The following CNTN5 variants were observed in gnomAD, a reference collection of about 807,000 sequenced individuals.
CNTN5 encodes contactin 5, also known as contactin-5.
CNTN5 carries 77 observed loss-of-function variants against 129.1 expected under a neutral mutation model. The ratio of observed to expected loss-of-function variants is 0.60; its 90% CI spans 0.50 to 0.72. CNTN5 has a LOEUF of 0.72. Among genes scored for constraint, CNTN5 ranks in the 30% least tolerant of loss-of-function variants. The probability of loss-of-function intolerance (pLI) is 0.00; values close to 1 mark genes in which losing one functional copy is unlikely to be tolerated. For synonymous variants in CNTN5, 509 were observed against 465.6 expected (o/e 1.09, Z -1.20); for missense variants, 1,478 against 1,328.8 (o/e 1.11, Z -1.75).
At chr11:99,235,552 G>C (rs770688388) in intron 1 of CNTN5, among the ~76,000 whole-genome samples, 2 of 152,114 alleles carry the variant, frequency 1.3e-5, no homozygotes, top group African/African-American at 4.8e-5. Flanking sequence ...ATAGTGAAAA[G>C]TGTCTTAGAT....
intron 4 of CNTN5, 26 bp downstream of exon 4, chr11:99,819,791 A>G (rs1211369295): frequency 1.4e-6 from 2 of 1,451,338 alleles, no homozygotes; most frequent in South Asian, 2.4e-5. Context: ...AAATGGCTCC[A>G]GATAGAATAA....
chr11:99,556,593 A>ATATATC (rs1555026456), intron 3 of CNTN5, among the ~76,000 whole-genome samples: 6 of 135,322 alleles, frequency 4.4e-5, no homozygotes, highest in African/African-American at 1.1e-4. Flanking sequence ...ATATATATAT[A>ATATATC]TCTCCCACAC....
chr11:99,950,838 C>A (rs1407002711), intron 7 of CNTN5, among the ~76,000 whole-genome samples: 1 of 151,984 alleles, frequency 6.6e-6, no homozygotes, highest in East Asian at 1.9e-4. Flanking sequence ...AATTAAATTA[C>A]AATAATGAAA....
At chr11:99,233,530 T>C (rs189933903) in intron 1 of CNTN5, among the ~76,000 whole-genome samples, 1 of 152,328 alleles carries the variant, frequency 6.6e-6, no homozygotes, top group African/African-American at 2.4e-5. Context: ...CGTTTCTTGA[T>C]TCTTGTATTC....
chr11:99,272,493 C>T (rs1863222975), intron 1 of CNTN5, among the ~76,000 whole-genome samples: 2 of 151,912 alleles, frequency 1.3e-5, no homozygotes, highest in South Asian at 4.2e-4. Context: ...ATCCTCCCAT[C>T]ATAGTCCCCT....
intron 3 of CNTN5, among the ~76,000 whole-genome samples, chr11:99,611,812 A>T (rs981652016): frequency 1.3e-5 from 2 of 152,218 alleles, no homozygotes; most frequent in African/African-American, 4.8e-5. Flanking sequence ...TTAACAGCCA[A>T]TTGGATAGAC....
Position 99,355,228 on chromosome 11 carries a change from G to T in CNTN5, c.-71+29744G>T, listed in dbSNP as rs370889763. Among the ~76,000 whole-genome samples, 4 of 152,220 alleles carry T rather than the reference G, an allele frequency of 2.6e-5. No homozygotes were observed. The South Asian group carries it at 6.2e-4, about 24-fold the overall frequency. On this transcript the variant is annotated intron_variant, in intron 2 of 24. Coordinates refer to ENST00000524871, the MANE Select transcript of CNTN5 (RefSeq NM_014361.4). ...TGTATTATTTGTCTGTTTACTGGAT[G>T]CCTTGCCTGATACTACAAATGCTTC...
At chr11:99,651,637 A>C (rs1032170893) in intron 3 of CNTN5, among the ~76,000 whole-genome samples, 1 of 152,042 alleles carries the variant, frequency 6.6e-6, no homozygotes, top group Non-Finnish European at 1.5e-5. Flanking sequence ...GACTGGTTTA[A>C]AAAACCCATC....
In CNTN5 at chr11:99,618,725, CTGTTA is replaced by C. The variant is rs930313590; in HGVS notation, c.55+62458_55+62462del. On this transcript the variant is annotated intron_variant, in intron 3 of 24. Transcript: ENST00000524871. ...AACCTGGGACTGTTGCTGATTGTGT[CTGTTA>C]TACCAGGCTAATACTTTCACTCTCA... is the stretch of plus-strand genomic sequence containing the variant. Among the ~76,000 whole-genome samples, 189 of 152,258 alleles carry C rather than the reference CTGTTA, an allele frequency of 1.2e-3. 1 individual carries two copies. Among genetic ancestry groups the C allele is most frequent in the African/African-American group, 4.4e-3 (183 of 41,556 alleles).
chr11:100,072,032 G>T (rs1160487606), intron 12 of CNTN5, among the ~76,000 whole-genome samples, 198 bp downstream of exon 12: 2 of 151,760 alleles, frequency 1.3e-5, no homozygotes, highest in Non-Finnish European at 2.9e-5. Context: ...ATAACTTTTT[G>T]TTCATATAGT....
At chr11:99,282,705 C>T (rs1239720545) in intron 1 of CNTN5, among the ~76,000 whole-genome samples, 3 of 152,014 alleles carry the variant, frequency 2.0e-5, no homozygotes, top group Non-Finnish European at 4.4e-5. Context: ...TGTTGTGTGG[C>T]TAATGATTTC....
At chr11:100,078,316 A>G (rs1023776783) in intron 13 of CNTN5, among the ~76,000 whole-genome samples, 3 of 152,200 alleles carry the variant, frequency 2.0e-5, no homozygotes, top group Admixed American at 2.0e-4. Context: ...AGAAAAAAAT[A>G]TGATTAACAA....
At chr11:99,560,268 G>GTATCATTATTAT (rs1555027599) in intron 3 of CNTN5, among the ~76,000 whole-genome samples, 1 of 141,978 alleles carries the variant, frequency 7.0e-6, no homozygotes, top group Non-Finnish European at 1.5e-5. Flanking sequence ...GAATCTAACT[G>GTATCATTATTAT]TATTATTATT....
At chr11:99,224,059 C>T (rs1375560672) in intron 1 of CNTN5, among the ~76,000 whole-genome samples, 2 of 152,076 alleles carry the variant, frequency 1.3e-5, no homozygotes, top group African/African-American at 2.4e-5. Flanking sequence ...CTACAGAGAA[C>T]ACAGTTCAAT....
At chr11:99,271,205 T>A (rs1330169623) in intron 1 of CNTN5, among the ~76,000 whole-genome samples, 1 of 151,962 alleles carries the variant, frequency 6.6e-6, no homozygotes, top group African/African-American at 2.4e-5. Context: ...ACTTATGAAT[T>A]CTGAAGTGGG....
Position 99,569,556 on chromosome 11 carries a change from C to A in CNTN5, c.55+13287C>A, listed in dbSNP as rs553806516. On this transcript the variant is annotated intron_variant, in intron 3 of 24. Transcript: ENST00000524871. Reference sequence around the variant, plus strand: ...CTCGAACTCCTGACCTTGTGGTCCGCCTGCCTCGGCCTCCCAAACTGCTGG... The same window carrying A: ...CTCGAACTCCTGACCTTGTGGTCCGACTGCCTCGGCCTCCCAAACTGCTGG... Among the ~76,000 whole-genome samples the A allele has an allele frequency of 2.8e-4, 42 of 152,276 alleles. No homozygotes were observed. In the South Asian group the frequency reaches 7.7e-3, roughly 28 times the overall value.
At chr11:99,631,202 C>G (rs1319642085) in intron 3 of CNTN5, among the ~76,000 whole-genome samples, 1 of 151,996 alleles carries the variant, frequency 6.6e-6, no homozygotes, top group Non-Finnish European at 1.5e-5. Context: ...AGATTTAATA[C>G]TGTACTAAAT....
intron 13 of CNTN5, among the ~76,000 whole-genome samples, chr11:100,075,975 T>A (rs1427216158): frequency 6.6e-6 from 1 of 152,068 alleles, no homozygotes; most frequent in Non-Finnish European, 1.5e-5. Flanking sequence ...ACAACTTGTT[T>A]TAAAAAGAAT....
At chr11:99,688,651 G>A (rs147269684) in intron 3 of CNTN5, among the ~76,000 whole-genome samples, 9 of 152,056 alleles carry the variant, frequency 5.9e-5, no homozygotes, top group East Asian at 1.9e-4. Flanking sequence ...CAGGATGTGC[G>A]GTTTTGTTAC....
Sources: allele counts gnomAD v4.1 joint callset (sites outside exome capture counted in the v4.1 genomes callset), GRCh38; gene constraint gnomAD v4.1.1; transcripts MANE v1.5; gene names NCBI Gene and HGNC (gene_info 2026-07-23, HGNC 2026-07-21).